PTPRD: variants seen among roughly 807,000 people sequenced by gnomAD.
PTPRD encodes receptor-type tyrosine-protein phosphatase delta.
PTPRD carries 34 observed loss-of-function variants against 214.5 expected under a neutral mutation model. The observed-to-expected ratio is 0.16, with a 90% CI of 0.12 to 0.21. PTPRD has a LOEUF of 0.21. PTPRD is among the 10% of genes least tolerant of loss of function. The pLI is 1.00. For missense variants in PTPRD, 2,545 were observed against 2,398.7 expected, an observed-to-expected ratio of 1.06 and a Z score of -1.27; for synonymous variants, 1,128 against 845.7, an observed-to-expected ratio of 1.33 and a Z score of -5.79.
chr9:9,672,896 T>C (rs1304112877), intron 7 of PTPRD, among the ~76,000 whole-genome samples: 2 of 152,242 alleles, frequency 1.3e-5, no homozygotes, highest in Non-Finnish European at 2.9e-5. Context: ...AATGCATGCA[T>C]TAATGCATTT....
At chr9:9,838,050 A>G (rs1599297971) in intron 5 of PTPRD, among the ~76,000 whole-genome samples, 1 of 152,266 alleles carries the variant, frequency 6.6e-6, no homozygotes, top group South Asian at 2.1e-4. Context: ...TAGTTTACTG[A>G]GAATGATGAT....
chr9:8,390,061 T>C (rs1345660556), intron 36 of PTPRD, among the ~76,000 whole-genome samples: 1 of 152,166 alleles, frequency 6.6e-6, no homozygotes, highest in Admixed American at 6.6e-5. Context: ...CATTTAAAAC[T>C]CGTGATTTGT....
chr9:9,192,211 T>C (rs1372423615), intron 9 of PTPRD, among the ~76,000 whole-genome samples: 1 of 151,748 alleles, frequency 6.6e-6, no homozygotes, highest in Non-Finnish European at 1.5e-5. Flanking sequence ...TGTTAAATTT[T>C]ATATAGCAAA....
chr9:8,616,273 T>TG (rs2095609830), intron 14 of PTPRD, among the ~76,000 whole-genome samples: 1 of 152,096 alleles, frequency 6.6e-6, no homozygotes, highest in African/African-American at 2.4e-5. Context: ...ACTAAGCTTA[T>TG]GGGAATGTCG....
chr9:10,233,317 C>T (rs1402288095), intron 3 of PTPRD, among the ~76,000 whole-genome samples: 2 of 151,770 alleles, frequency 1.3e-5, no homozygotes, highest in African/African-American at 4.8e-5. Flanking sequence ...AATAATTTTC[C>T]CAGTAAGATA....
chr9:9,854,357 C>T lies in PTPRD; in HGVS notation c.-368+84150G>A, dbSNP rs145439158. On this transcript the variant is annotated intron_variant, in intron 5 of 45. Coordinates refer to ENST00000381196, the MANE Select transcript of PTPRD (RefSeq NM_002839.4). The stretch of plus-strand genomic sequence containing the variant: ...CCATAATTAGAATTTAATCATAGGT[C>T]CTGGAATCAAGGAAAAAAGCATTGG... Among the ~76,000 whole-genome samples the T allele has an allele frequency of 2.6e-4, 39 of 151,932 alleles. 1 individual carries two copies. Among genetic ancestry groups the T allele is most frequent in the African/African-American group, 9.4e-4 (39 of 41,334 alleles).
chr9:10,054,986 GAAAGAAAA>G (rs1056801449), intron 3 of PTPRD, among the ~76,000 whole-genome samples: 11 of 151,002 alleles, frequency 7.3e-5, no homozygotes, highest in African/African-American at 2.4e-4. Context: ...CATATTAAAA[GAAAGAAAA>G]AAAGAAAGAA....
intron 9 of PTPRD, among the ~76,000 whole-genome samples, chr9:9,335,697 C>G (rs897465285): frequency 6.6e-6 from 1 of 152,010 alleles, no homozygotes; most frequent in African/African-American, 2.4e-5. Flanking sequence ...TTATTCCTTT[C>G]TCATTCACTT....
At chr9:9,516,989 A>T (rs978702564) in intron 8 of PTPRD, among the ~76,000 whole-genome samples, 1 of 151,554 alleles carries the variant, frequency 6.6e-6, no homozygotes, top group African/African-American at 2.4e-5. Flanking sequence ...AAAACAAATG[A>T]TATAAACATA....
intron 36 of PTPRD, among the ~76,000 whole-genome samples, chr9:8,397,446 C>G (rs1310854169): frequency 6.6e-6 from 1 of 152,126 alleles, no homozygotes. Flanking sequence ...ACTGTATTAA[C>G]ATATTTTCCT....
chr9:9,602,472 A>C (rs909334317), intron 7 of PTPRD, among the ~76,000 whole-genome samples: 10 of 152,186 alleles, frequency 6.6e-5, no homozygotes, highest in Admixed American at 1.3e-4. Flanking sequence ...TTGTAATTTT[A>C]TTCCATATAA....
chr9:8,712,423 G>A (rs1414351903), intron 12 of PTPRD, among the ~76,000 whole-genome samples: 1 of 150,564 alleles, frequency 6.6e-6, no homozygotes, highest in Admixed American at 6.6e-5. Context: ...ACTTTTTACT[G>A]GTGTTATTTT....
intron 11 of PTPRD, among the ~76,000 whole-genome samples, chr9:8,770,574 G>C (rs1429288973): frequency 6.6e-6 from 1 of 152,162 alleles, no homozygotes; most frequent in South Asian, 2.1e-4. Context: ...TGACTGAGAA[G>C]CTTTCACTAA....
chr9:9,800,472 G>C (rs948235265), intron 5 of PTPRD: 2 of 152,160 alleles, frequency 1.3e-5, no homozygotes, highest in South Asian at 4.1e-4. Flanking sequence ...TGGAGAAAAA[G>C]GGTAAAAGCA....
chr9:10,093,626 A>G (rs1353727572), intron 3 of PTPRD, among the ~76,000 whole-genome samples: 1 of 151,574 alleles, frequency 6.6e-6, no homozygotes, highest in East Asian at 1.9e-4. Context: ...TGTTCTATCA[A>G]AAAGACATAT....
intron 2 of PTPRD, among the ~76,000 whole-genome samples, chr9:10,570,785 G>C (rs940617207): frequency 9.2e-5 from 14 of 151,978 alleles, no homozygotes; most frequent in Admixed American, 2.0e-4. Flanking sequence ...CTGTCTTCAA[G>C]CCTGGAGCTC....
chr9:8,513,680 T>C (rs548583641), intron 21 of PTPRD, among the ~76,000 whole-genome samples: 8 of 152,200 alleles, frequency 5.3e-5, no homozygotes, highest in African/African-American at 1.4e-4. Context: ...CTAGCAATCA[T>C]CCTAAGAATT....
chr9:8,703,461 A>C (rs2098133592), intron 12 of PTPRD, among the ~76,000 whole-genome samples: 1 of 152,258 alleles, frequency 6.6e-6, no homozygotes, highest in Non-Finnish European at 1.5e-5. Context: ...TGTCCCTGCT[A>C]TTACCAAGTC....
At chr9:9,497,021 C>T (rs2096224115) in intron 8 of PTPRD, among the ~76,000 whole-genome samples, 1 of 152,098 alleles carries the variant, frequency 6.6e-6, no homozygotes, top group Non-Finnish European at 1.5e-5. Context: ...TATGATTCCA[C>T]TTATATGAGG....
Sources: allele counts gnomAD v4.1 joint callset (sites outside exome capture counted in the v4.1 genomes callset), GRCh38; gene constraint gnomAD v4.1.1; transcripts MANE v1.5; gene names NCBI Gene and HGNC (gene_info 2026-07-23, HGNC 2026-07-21).